LGSN: variants seen among roughly 807,000 people sequenced by gnomAD.
The protein encoded by LGSN is lengsin.
LGSN carries 21 observed loss-of-function variants against 19.5 expected under a neutral mutation model. That is an observed-to-expected ratio of 1.07 (90% CI 0.76 to 1.55). The LOEUF (loss-of-function observed/expected upper bound fraction) is 1.55. LGSN is among the 40% of genes most tolerant of loss of function. The pLI, the probability that LGSN is intolerant of heterozygous loss-of-function variation, is 0.00. For synonymous variants in LGSN, 257 were observed against 215.6 expected (o/e 1.19, Z -1.68); for missense variants, 673 against 608.5 (o/e 1.11, Z -1.12).
At chr6:63,564,721 G>A in the LGSN span, among the ~76,000 whole-genome samples, 4 of 152,278 alleles carry the variant, frequency 2.6e-5, no homozygotes, top group African/African-American at 9.6e-5. Context: ...TTCAGACTGT[G>A]GCATAATTCA....
At chr6:63,482,866 A>G in the LGSN span, among the ~76,000 whole-genome samples, 1 of 151,936 alleles carries the variant, frequency 6.6e-6, no homozygotes, top group Non-Finnish European at 1.5e-5. Context: ...ATGCCCTGCT[A>G]ACTTTTGTAT....
At chr6:63,356,661 G>A in the LGSN span, among the ~76,000 whole-genome samples, 1 of 152,076 alleles carries the variant, frequency 6.6e-6, no homozygotes, top group Non-Finnish European at 1.5e-5. Context: ...GGATAGAGAA[G>A]GTAAGATGTG....
the LGSN span, among the ~76,000 whole-genome samples, chr6:63,495,937 A>T: frequency 0.54 from 81,275 of 150,384 alleles, 23,567 homozygotes; most frequent in African/African-American, 0.77. Context: ...TAATTTTTTT[A>T]AAAAAAAAAG....
chr6:63,361,321 G>C, the LGSN span, among the ~76,000 whole-genome samples: 2 of 152,146 alleles, frequency 1.3e-5, no homozygotes, highest in African/African-American at 4.8e-5. Context: ...GAGCTTCCTG[G>C]CTGCTTTGTT....
At chr6:63,288,681 G>A in intron 2 of LGSN, among the ~76,000 whole-genome samples, 1 of 152,160 alleles carries the variant, frequency 6.6e-6, no homozygotes, top group Non-Finnish European at 1.5e-5. Flanking sequence ...GAAGGCTAGA[G>A]GTCCGAAACC....
chr6:63,482,518 C>G, the LGSN span, among the ~76,000 whole-genome samples: 7 of 152,082 alleles, frequency 4.6e-5, no homozygotes, highest in Non-Finnish European at 1.0e-4. Flanking sequence ...TGCTTCAGAC[C>G]AAGAGTTTGA....
At chr6:63,329,148 A>G in the LGSN span, among the ~76,000 whole-genome samples, 21 of 152,248 alleles carry the variant, frequency 1.4e-4, no homozygotes, top group African/African-American at 4.8e-4. Context: ...TCATCCACAT[A>G]TTGAAGGACC....
At chr6:63,481,065 A>C in the LGSN span, among the ~76,000 whole-genome samples, 1 of 150,994 alleles carries the variant, frequency 6.6e-6, no homozygotes, top group African/African-American at 2.4e-5. Context: ...TGTCTTTTGC[A>C]GCAACTTAGA....
chr6:63,322,701 C>G (rs1156842986), upstream of LGSN, among the ~76,000 whole-genome samples: 3 of 152,020 alleles, frequency 2.0e-5, no homozygotes, highest in Non-Finnish European at 4.4e-5. Context: ...GAATCCAGTC[C>G]CCATTTCTTT....
the LGSN span, among the ~76,000 whole-genome samples, chr6:63,412,745 A>C: frequency 1.3e-4 from 11 of 84,636 alleles, no homozygotes; most frequent in African/African-American, 8.8e-4. Context: ...GAAAGAAAGA[A>C]AGAAAGAAAG....
chr6:63,529,380 C>T, the LGSN span, among the ~76,000 whole-genome samples: 15 of 150,168 alleles, frequency 1.0e-4, no homozygotes, highest in African/African-American at 3.8e-4. Context: ...TAATTTCCTA[C>T]ATCAATTCAA....
chr6:63,549,190 T>G, the LGSN span: 1 of 692,824 alleles, frequency 1.4e-6, no homozygotes, highest in Non-Finnish European at 2.6e-6. Flanking sequence ...TTCTCTTGCT[T>G]AGTCTCTGAT....
At chr6:63,410,524 G>C in the LGSN span, among the ~76,000 whole-genome samples, 1 of 151,992 alleles carries the variant, frequency 6.6e-6, no homozygotes, top group African/African-American at 2.4e-5. Context: ...ATATATCAAT[G>C]GTATAAAGCC....
the LGSN span, among the ~76,000 whole-genome samples, chr6:63,402,000 G>A: frequency 6.6e-6 from 1 of 152,194 alleles, no homozygotes; most frequent in African/African-American, 2.4e-5. Context: ...GAAGACATGA[G>A]CAGCAACTAG....
At chr6:63,505,637 T>TAAATAAATAAA in the LGSN span, among the ~76,000 whole-genome samples, 1 of 82,630 alleles carries the variant, frequency 1.2e-5, no homozygotes, top group African/African-American at 4.6e-5. Context: ...AAGAAAGAAA[T>TAAATAAATAAA]TCTGGCATTC....
At chr6:63,562,153 C>T in the LGSN span, among the ~76,000 whole-genome samples, 2 of 151,378 alleles carry the variant, frequency 1.3e-5, no homozygotes, top group South Asian at 2.1e-4. Context: ...TTTTATTTAA[C>T]ATTACAATTA....
At chr6:63,541,026 AAAGGAAGGAAGG>A in the LGSN span, among the ~76,000 whole-genome samples, 3 of 146,466 alleles carry the variant, frequency 2.0e-5, no homozygotes, top group Non-Finnish European at 4.5e-5. Context: ...GGGAATGAAG[AAAGGAAGGAAGG>A]AAGGAAGGAA....
chr6:63,454,793 C>CTTTTTTTTTTTTTTTTTTT, the LGSN span, among the ~76,000 whole-genome samples: 6 of 91,738 alleles, frequency 6.5e-5, no homozygotes, highest in Non-Finnish European at 9.9e-5. Flanking sequence ...TTTTCTTTTT[C>CTTTTTTTTTTTTTTTTTTT]TTTTTTTTTT....
the LGSN span, among the ~76,000 whole-genome samples, chr6:63,490,967 C>G: frequency 1.4e-5 from 2 of 147,606 alleles, no homozygotes; most frequent in East Asian, 3.9e-4. Flanking sequence ...CTTCCTCAAC[C>G]TTTTTTTTTT....
Sources: gnomAD v4.1 joint callset for allele counts (sites outside exome capture counted in the v4.1 genomes callset) on GRCh38, gnomAD v4.1.1 for gene constraint, MANE v1.5 for transcripts, NCBI Gene and HGNC (gene_info 2026-07-23, HGNC 2026-07-21) for gene names.